The following SLC5A2 variants were observed in gnomAD, a reference collection of about 807,000 sequenced individuals.
SLC5A2 encodes sodium/glucose cotransporter 2.
In SLC5A2, 67 loss-of-function variants were observed where a neutral mutation model predicts 69.0. The ratio of observed to expected loss-of-function variants is 0.97; its 90% confidence interval spans 0.80 to 1.19. SLC5A2 has a LOEUF of 1.19. SLC5A2 is among the 50% of genes most tolerant of loss of function. The pLI is 0.00. For synonymous variants in SLC5A2, 455 were observed against 395.8 expected, an observed-to-expected ratio of 1.15 and a Z score of -1.78; for missense variants, 1,001 against 921.5, an observed-to-expected ratio of 1.09 and a Z score of -1.12.
chr16:31,489,719 G>A (rs1323610782), intron 12 of SLC5A2: 1 of 450,810 alleles, frequency 2.2e-6, no homozygotes, highest in East Asian at 4.7e-5. Flanking sequence ...GGTGAGGACA[G>A]GACAAGAGAT....
chr16:31,487,006 T>C (rs1340828401), intron 5 of SLC5A2, among the ~76,000 whole-genome samples: 1 of 151,828 alleles, frequency 6.6e-6, no homozygotes, highest in African/African-American at 2.4e-5. Flanking sequence ...AGATCCACCA[T>C]TGCACTCCAG....
Position 31,487,416 on chromosome 16 carries a change from C to T in SLC5A2, c.655+16C>T, listed in dbSNP as rs780770854. 6.8e-6 allele frequency: 11 copies of T among 1,613,174 alleles called. 1 individual carries two copies. In the South Asian group the frequency reaches 1.2e-4, roughly 18 times the overall value. On this transcript the variant is annotated intron_variant, in intron 6 of 13. Transcript: ENST00000330498. ...ATGGGTTACGGTAGGGGCTCGCCTA[C>T]CAGGGAGGGGCGCGGAGGGCATGGT... is the stretch of plus-strand genomic sequence containing the variant.
rs2082527945 is a variant in SLC5A2 at position 31,488,898 on chromosome 16, C to A, written c.1299C>A (p.Ile433=). 6.2e-7 allele frequency: 1 copy of A among 1,605,548 alleles called. No individual in the cohort carries two copies. Among genetic ancestry groups the A allele is most frequent in the Non-Finnish European group, 8.5e-7 (1 of 1,179,854 alleles). ...LLVGRLWVVF[I]VVVSVAWLPV... is the part of the protein sequence containing the mutation. ...GCCGCAGGCTCTGGGTGGTGTTCAT[C>A]GTGGTAGTGTCGGTGGCCTGGCTTC... The change falls in exon 11 of 14, where the codon ATC becomes ATA. Residue 433 remains isoleucine, a synonymous_variant. Transcript: ENST00000330498.
chr16:31,488,246 A>G, intron 8 of SLC5A2, 73 bp downstream of exon 8: 1 of 1,611,664 alleles, frequency 6.2e-7, no homozygotes, highest in Non-Finnish European at 8.5e-7. Context: ...CACCCTCCTA[A>G]GACTCGGCAG....
At position 31,484,657 on chromosome 16, in the gene SLC5A2, C is replaced by T. The variant is rs398122801; in HGVS notation, c.127-16C>T. 3.8e-5 allele frequency: 61 copies of T among 1,604,904 alleles called. No individual in the cohort carries two copies. The highest frequency in any genetic ancestry group is 6.7e-5 in the East Asian group (3 of 44,860). On this transcript the variant is annotated splice_polypyrimidine_tract_variant and intron_variant, in intron 1 of 13. Transcript: ENST00000330498. ...CTGTGCCCTAAACCCAGGTCTCCCCCGCCTCTGTCTCCCAGTCCATGTGCA... is the reference window on the plus strand; with the variant it reads ...CTGTGCCCTAAACCCAGGTCTCCCCTGCCTCTGTCTCCCAGTCCATGTGCA...
At position 31,490,178 on chromosome 16, in the gene SLC5A2, C is replaced by T. The variant is rs745742859; in HGVS notation, c.1740C>T (p.Gly580=). Residue 580 remains glycine, a synonymous_variant, in exon 13 of 14, where the codon GGC becomes GGT. Coordinates refer to ENST00000330498, the MANE Select transcript of SLC5A2 (RefSeq NM_003041.4). ...REDLDADEQQ[G]SSLPVQNGCP... The stretch of plus-strand genomic sequence containing the variant: ...ACCTGGATGCTGATGAGCAGCAAGG[C>T]TCCTCACTCCCTGTACAGAATGGGT... The T allele has an allele frequency of 1.2e-6, 2 of 1,614,202 alleles. No individual in the cohort carries two copies. Among genetic ancestry groups the T allele is most frequent in the South Asian group, 2.2e-5 (2 of 91,084 alleles).
rs775132643 is a variant in SLC5A2, at chr16:31,484,653, C to T, written c.127-20C>T. 6.2e-7 allele frequency: 1 copy of T among 1,603,992 alleles called. No individual in the cohort carries two copies. Among genetic ancestry groups the T allele is most frequent in the East Asian group, 2.2e-5 (1 of 44,856 alleles). ...AAGGCTGTGCCCTAAACCCAGGTCT[C>T]CCCCGCCTCTGTCTCCCAGTCCATG... is the stretch of plus-strand genomic sequence containing the variant. On this transcript the variant is annotated intron_variant, in intron 1 of 13. Transcript: ENST00000330498.
rs201073991 is a variant in SLC5A2, at chr16:31,490,360, G to C, written c.1844G>C (p.Cys615Ser). The change falls in exon 14 of 14, where the codon TGT becomes TCT. Residue 615 changes from cysteine to serine, a missense_variant. By Grantham distance (112) the Cys-to-Ser change is moderately radical. Coordinates refer to ENST00000330498, the MANE Select transcript of SLC5A2 (RefSeq NM_003041.4). ...TTCCGCCAGTGCCTGCTCTGGTTTTGTGGAATGAGCAGAGGTGGGGTGGGC... is the reference window on the plus strand; with the variant it reads ...TTCCGCCAGTGCCTGCTCTGGTTTTCTGGAATGAGCAGAGGTGGGGTGGGC... ...SLFRQCLLWFCGMSRGGVGSP... is the reference protein window; with the variant it reads ...SLFRQCLLWFSGMSRGGVGSP... The C allele has an allele frequency of 3.1e-6, 5 of 1,613,024 alleles. No individual in the cohort carries two copies. In the East Asian group the frequency reaches 8.9e-5, roughly 29 times the overall value.
At chr16:31,487,440 G>A (rs775761773) in intron 6 of SLC5A2, 40 bp downstream of exon 6, 2 of 1,611,428 alleles carry the variant, frequency 1.2e-6, no homozygotes, top group East Asian at 2.2e-5. Flanking sequence ...GGAGGGCATG[G>A]TCGCGGAGCT....
intron 5 of SLC5A2, 106 bp downstream of exon 5, chr16:31,486,381 G>C (rs1199351703): frequency 5.0e-6 from 4 of 801,086 alleles, no homozygotes; most frequent in South Asian, 1.4e-5. Flanking sequence ...AGGTCTGGAA[G>C]GGTGGTGTGG....
At chr16:31,490,003 G>C (rs1331136917) in intron 12 of SLC5A2, 101 bp from the exon 13 acceptor site, 13 of 1,499,886 alleles carry the variant, frequency 8.7e-6, no homozygotes, top group Middle Eastern at 2.3e-4. Context: ...ACTGGACAGA[G>C]GTGGGTAGGG....
At position 31,490,548 on chromosome 16, in the gene SLC5A2, T is replaced by A. The variant is rs2082557154; in HGVS notation, c.*13T>A. ...CTTCTATGCCTAAGACCAACTGCGT[T>A]GGACACCATAAGCCACAGCCTCACA... On this transcript the variant is annotated 3_prime_UTR_variant, in exon 14 of 14. Transcript: ENST00000330498. The A allele has an allele frequency of 6.3e-7, 1 of 1,594,490 alleles. No individual in the cohort carries two copies. Among genetic ancestry groups the A allele is most frequent in the African/African-American group, 1.3e-5 (1 of 74,648 alleles).
At chr16:31,489,749 C>T (rs17722715) in intron 12 of SLC5A2, 11 of 442,716 alleles carry the variant, frequency 2.5e-5, no homozygotes, top group Middle Eastern at 6.6e-4. Flanking sequence ...GAAGGATGGC[C>T]GGGTTTCTGC....
rs778731926 is a variant in SLC5A2, at chr16:31,489,165, G to A, written c.1492G>A (p.Ala498Thr). The A allele has an allele frequency of 2.0e-5, 32 of 1,609,812 alleles. No homozygotes were observed. The highest frequency in any genetic ancestry group is 1.7e-6 in the Non-Finnish European group (2 of 1,180,010). Residue 498 changes from alanine to threonine, a missense_variant, in exon 12 of 14, where the codon GCA (alanine) becomes ACA (threonine). Coordinates refer to ENST00000330498, the MANE Select transcript of SLC5A2 (RefSeq NM_003041.4). The stretch of plus-strand genomic sequence containing the variant: ...CATCGGGGGCCTGCTGATGGGCCTG[G>A]CACGCCTGATTCCCGAGTTCTCCTT... ...GLIGGLLMGL[A>T]RLIPEFSFGS...
In SLC5A2 at chr16:31,483,167, C is replaced by T. The variant is rs759115500; in HGVS notation, c.31C>T (p.Pro11Ser). Residue 11 changes from proline (P) to serine (S), a missense_variant, in exon 1 of 14, where the codon CCA becomes TCA. Transcript: ENST00000330498. Reference sequence around the variant, plus strand: ...GGAGCACACAGAGGCAGGCTCGGCACCAGAGATGGGGGCCCAGAAGGCCCT... The same window carrying T: ...GGAGCACACAGAGGCAGGCTCGGCATCAGAGATGGGGGCCCAGAAGGCCCT... MEEHTEAGSA[P>S]EMGAQKALID... 1 of 1,614,006 alleles carries T rather than the reference C, an allele frequency of 6.2e-7. No homozygotes were observed. Among genetic ancestry groups the T allele is most frequent in the East Asian group, 2.2e-5 (1 of 44,882 alleles).
At chr16:31,484,993 A>T in intron 3 of SLC5A2, 70 bp downstream of exon 3, 2 of 1,385,412 alleles carry the variant, frequency 1.4e-6, no homozygotes, top group Non-Finnish European at 2.0e-6. Flanking sequence ...CCTTGGGGAA[A>T]CTCCAGGAAA....
In SLC5A2 at chr16:31,488,955, C is replaced by T. The variant is rs199626017; in HGVS notation, c.1356C>T (p.Leu452=). The change falls in exon 11 of 14, where the codon CTC becomes CTT. Residue 452 remains leucine (L), a synonymous_variant. Coordinates refer to ENST00000330498, the MANE Select transcript of SLC5A2 (RefSeq NM_003041.4). Reference sequence around the variant, plus strand: ...TGCAGGCGGCACAGGGCGGGCAGCTCTTCGATTACATCCAGGCAGTCTCTA... The same window carrying T: ...TGCAGGCGGCACAGGGCGGGCAGCTTTTCGATTACATCCAGGCAGTCTCTA... ...PVVQAAQGGQ[L]FDYIQAVSSY... 71 of 1,603,214 alleles carry T rather than the reference C, an allele frequency of 4.4e-5. 1 individual carries two copies. The highest frequency in any genetic ancestry group is 5.1e-6 in the Non-Finnish European group (6 of 1,179,880).
intron 1 of SLC5A2, among the ~76,000 whole-genome samples, chr16:31,483,702 G>A (rs1397613768): frequency 6.6e-6 from 1 of 152,062 alleles, no homozygotes; most frequent in African/African-American, 2.4e-5. Flanking sequence ...GACCAGACTG[G>A]CCCACATGGT....
chr16:31,486,347 C>T (rs1043404692), intron 5 of SLC5A2, 72 bp downstream of exon 5: 1 of 1,199,612 alleles, frequency 8.3e-7, no homozygotes, highest in African/African-American at 1.5e-5. Context: ...GTTTAGGGAG[C>T]TGCCAGAGGA....
Sources: gnomAD v4.1 joint callset for allele counts (sites outside exome capture counted in the v4.1 genomes callset) on GRCh38, gnomAD v4.1.1 for gene constraint, MANE v1.5 for transcripts, NCBI Gene and HGNC (gene_info 2026-07-23, HGNC 2026-07-21) for gene names.